The following CREB5 variants were observed in gnomAD, a reference collection of about 807,000 sequenced individuals.
The protein encoded by CREB5 is cAMP responsive element binding protein 5.
Under a neutral mutation model 57.1 loss-of-function variants are expected in CREB5, and 19 were observed. The observed-to-expected ratio is 0.33, with a 90% CI of 0.23 to 0.49. CREB5 has a LOEUF of 0.49. Among genes scored for constraint, CREB5 ranks in the 20% least tolerant of loss-of-function variants. CREB5 has a pLI of 0.99. For synonymous variants in CREB5, 238 were observed against 238.3 expected (o/e 1.00, Z 0.01); for missense variants, 579 against 671.6 (o/e 0.86, Z 1.52).
At chr7:28,601,232 G>A (rs1796908516) in intron 5 of CREB5, among the ~76,000 whole-genome samples, 1 of 151,990 alleles carries the variant, frequency 6.6e-6, no homozygotes, top group Non-Finnish European at 1.5e-5. Flanking sequence ...TTTAGTGTGG[G>A]GTGGTGGTGG....
Position 28,552,617 on chromosome 7 carries a change from C to G in CREB5, c.292-17748C>G, listed in dbSNP as rs550654398. ...GCCTTCCCCTTGACGCTCTTTAGCC[C>G]CATCTTTCAGCCACATGTCATGTTG... is the stretch of plus-strand genomic sequence containing the variant. On this transcript the variant is annotated intron_variant, in intron 4 of 10. Transcript: ENST00000357727. Among the ~76,000 whole-genome samples, 8 of 152,324 alleles carry G rather than the reference C, an allele frequency of 5.3e-5. No homozygotes were observed. In the East Asian group the frequency reaches 1.4e-3, roughly 26 times the overall value.
intron 4 of CREB5, among the ~76,000 whole-genome samples, chr7:28,513,220 T>C (rs1283031088): frequency 6.6e-6 from 1 of 152,236 alleles, no homozygotes; most frequent in African/African-American, 2.4e-5. Context: ...TGAGTGGTGC[T>C]GGATGGAAAA....
intron 1 of CREB5, among the ~76,000 whole-genome samples, chr7:28,418,233 T>C (rs42722): frequency 0.88 from 133,343 of 152,262 alleles, 58,782 homozygotes; most frequent in East Asian, 0.99. Flanking sequence ...TATTCATTTT[T>C]ATTTGTCACC....
intron 5 of CREB5, among the ~76,000 whole-genome samples, chr7:28,718,238 A>G (rs949456034): frequency 9.9e-5 from 15 of 152,244 alleles, no homozygotes; most frequent in African/African-American, 3.6e-4. Context: ...ACAGTGGAGA[A>G]CGCTGAAAAA....
chr7:28,514,047 C>A (rs1225503901), intron 4 of CREB5, among the ~76,000 whole-genome samples: 1 of 152,164 alleles, frequency 6.6e-6, no homozygotes, highest in Non-Finnish European at 1.5e-5. Flanking sequence ...AAGCTGACAG[C>A]TTAGAGGAAT....
At chr7:28,775,543 C>CATATATATATATATACATATATAT (rs1806571570) in intron 7 of CREB5, among the ~76,000 whole-genome samples, 1 of 120,632 alleles carries the variant, frequency 8.3e-6, no homozygotes, top group Non-Finnish European at 1.7e-5. Flanking sequence ...ATTCCTTAGC[C>CATATATATATATATACATATATAT]ATATATATAT....
At chr7:28,427,512 C>T (rs1477699625) in intron 1 of CREB5, among the ~76,000 whole-genome samples, 2 of 152,050 alleles carry the variant, frequency 1.3e-5, no homozygotes, top group Admixed American at 6.5e-5. Context: ...AAAAATCTTC[C>T]TTTAGGGTTG....
At chr7:28,534,563 A>G (rs921352256) in intron 4 of CREB5, among the ~76,000 whole-genome samples, 12 of 152,222 alleles carry the variant, frequency 7.9e-5, no homozygotes, top group African/African-American at 2.9e-4. Flanking sequence ...GTAACAGGGC[A>G]CTTCTTCTGC....
At chr7:28,444,135 T>C (rs11971210) in intron 1 of CREB5, among the ~76,000 whole-genome samples, 17,042 of 152,192 alleles carry the variant, frequency 0.11, 1,033 homozygotes, top group African/African-American at 0.14. Flanking sequence ...CGTTTTATGC[T>C]TGTATAAAAG....
intron 7 of CREB5, among the ~76,000 whole-genome samples, chr7:28,784,908 T>G (rs2128786566): frequency 6.6e-6 from 1 of 152,298 alleles, no homozygotes; most frequent in Middle Eastern, 3.4e-3. Context: ...GTTTTGCACC[T>G]TAGCAACCTT....
intron 1 of CREB5, among the ~76,000 whole-genome samples, chr7:28,462,052 C>G (rs1267613981): frequency 1.3e-5 from 2 of 152,060 alleles, no homozygotes; most frequent in Non-Finnish European, 2.9e-5. Context: ...AACCTTGTAT[C>G]AATTAGCAGT....
At chr7:28,687,691 G>T (rs1280825445) in intron 5 of CREB5, among the ~76,000 whole-genome samples, 1 of 151,924 alleles carries the variant, frequency 6.6e-6, no homozygotes, top group African/African-American at 2.4e-5. Flanking sequence ...TACCAGAAAG[G>T]TGTCTATTTA....
At chr7:28,328,500 T>C (rs1205361665) in intron 1 of CREB5, among the ~76,000 whole-genome samples, 3 of 152,224 alleles carry the variant, frequency 2.0e-5, no homozygotes, top group Non-Finnish European at 4.4e-5. Flanking sequence ...GGTGTGGCCA[T>C]GTTTCCACCT....
chr7:28,516,314 T>C (rs1258979573), intron 4 of CREB5, among the ~76,000 whole-genome samples: 2 of 152,186 alleles, frequency 1.3e-5, no homozygotes, highest in Non-Finnish European at 2.9e-5. Flanking sequence ...TGTTAAAAAT[T>C]AGAGAGATCG....
chr7:28,809,521 G>A, intron 9 of CREB5, 107 bp downstream of exon 9: 1 of 994,418 alleles, frequency 1.0e-6, no homozygotes, highest in East Asian at 2.7e-5. Flanking sequence ...CACACACTTA[G>A]TCCACAGAGG....
At chr7:28,347,811 A>C (rs1007105480) in intron 1 of CREB5, among the ~76,000 whole-genome samples, 2 of 152,190 alleles carry the variant, frequency 1.3e-5, no homozygotes, top group Non-Finnish European at 2.9e-5. Flanking sequence ...AACACACTTT[A>C]AAAAACGTGG....
At chr7:28,412,360 C>A (rs1348546195), upstream of CREB5, among the ~76,000 whole-genome samples, 2 of 152,148 alleles carry the variant, frequency 1.3e-5, no homozygotes, top group Non-Finnish European at 2.9e-5. Context: ...ACCTTTAGAG[C>A]AGCTGAACCC....
intron 1 of CREB5, among the ~76,000 whole-genome samples, chr7:28,448,814 C>T (rs1181598590): frequency 1.3e-5 from 2 of 152,192 alleles, no homozygotes; most frequent in African/African-American, 4.8e-5. Context: ...ATGATTTAGT[C>T]TAACCTTTTC....
At chr7:28,642,987 TACACACAC>T (rs1179446048) in intron 5 of CREB5, among the ~76,000 whole-genome samples, 70 of 98,378 alleles carry the variant, frequency 7.1e-4, no homozygotes, top group East Asian at 5.0e-3. Context: ...CACACACACA[TACACACAC>T]ACACACACAC....
Sources: gnomAD v4.1 joint callset for allele counts (sites outside exome capture counted in the v4.1 genomes callset) on GRCh38, gnomAD v4.1.1 for gene constraint, MANE v1.5 for transcripts, NCBI Gene and HGNC (gene_info 2026-07-23, HGNC 2026-07-21) for gene names.